Variants in SLC7A2 observed in about 807,000 individuals in gnomAD.
SLC7A2 encodes cationic amino acid transporter 2.
SLC7A2 carries 48 observed loss-of-function variants against 58.9 expected under a neutral mutation model. The ratio of observed to expected loss-of-function variants is 0.82; its 90% CI spans 0.65 to 1.04. The LOEUF is 1.04. Among genes scored for constraint, SLC7A2 ranks in the 50% least tolerant of loss-of-function variants. SLC7A2 has a pLI of 0.00. For synonymous variants in SLC7A2, 363 were observed against 314.5 expected, an observed-to-expected ratio of 1.15 and a Z score of -1.63; for missense variants, 1,029 against 818.8, an observed-to-expected ratio of 1.26 and a Z score of -3.13.
chr8:17,543,605 T>C lies in SLC7A2; in HGVS notation c.266T>C (p.Phe89Ser). 1 of 1,604,440 alleles carries C rather than the reference T, an allele frequency of 6.2e-7. No individual in the cohort carries two copies. The highest frequency in any genetic ancestry group is 8.5e-7 in the Non-Finnish European group (1 of 1,175,364). ...ATGGCTGGCCTCTGCTATGCCGAAT[T>C]TGGGGCCCGTGTTCCCAAGACGGGG... ...SVMAGLCYAE[F>S]GARVPKTGSA... Residue 89 changes from phenylalanine to serine, a missense_variant, in exon 3 of 13, where the codon TTT becomes TCT. Coordinates refer to ENST00000494857, the MANE Select transcript of SLC7A2 (RefSeq NM_001370338.1).
chr8:17,554,662 A>G lies in SLC7A2; in HGVS notation c.1158A>G (p.Thr386=), dbSNP rs750891754. ...CLAQINSKTK[T]PIIATLSSGA... ...CTCAAATCAATTCCAAAACGAAGAC[A>G]CCAATAATTGCTACTTTATCATCGG... Residue 386 remains threonine (T), a synonymous_variant, in exon 8 of 13, where the codon ACA becomes ACG. Coordinates refer to ENST00000494857, the MANE Select transcript of SLC7A2 (RefSeq NM_001370338.1). 1.2e-6 allele frequency: 2 copies of G among 1,613,312 alleles called. No individual in the cohort carries two copies. Among genetic ancestry groups the G allele is most frequent in the Middle Eastern group, 1.6e-4 (1 of 6,080 alleles).
chr8:17,560,474 C>G lies in SLC7A2; in HGVS notation c.1445C>G (p.Pro482Arg). 1.2e-6 allele frequency: 2 copies of G among 1,613,956 alleles called. No homozygotes were observed. Among genetic ancestry groups the G allele is most frequent in the South Asian group, 2.2e-5 (2 of 91,068 alleles). ...QGFSMRTLFC[P>R]SLLPTQQSAS... ...TTCAGCATGCGGACCCTCTTCTGCC[C>G]CTCCCTTCTGCCAACACAGCAGTCA... The change falls in exon 10 of 13, where the codon CCC becomes CGC. Residue 482 changes from proline (P) to arginine (R), a missense_variant. Transcript: ENST00000494857.
In SLC7A2 at chr8:17,504,037, T is replaced by C. The variant is rs1800272379; in HGVS notation, c.-23+1735T>C. Among the ~76,000 whole-genome samples the C allele has an allele frequency of 1.3e-5, 2 of 152,210 alleles. 1 individual carries two copies. The highest frequency in any genetic ancestry group is 1.3e-4 in the Admixed American group (2 of 15,280). On this transcript the variant is annotated intron_variant, in intron 2 of 12. Coordinates refer to ENST00000494857, the MANE Select transcript of SLC7A2 (RefSeq NM_001370338.1). ...CCTATGGCAAGAAAGTGAAGTCACA[T>C]TGGCTGTGATTCCCCAAGCAAAGTG...
intron 2 of SLC7A2, among the ~76,000 whole-genome samples, chr8:17,513,573 G>A (rs79138020): frequency 0.016 from 2,431 of 152,116 alleles, 40 homozygotes; most frequent in African/African-American, 0.047. Flanking sequence ...GATCTCCATT[G>A]CCTTTATCTT....
At chr8:17,536,130 A>G (rs988948390) in intron 2 of SLC7A2, among the ~76,000 whole-genome samples, 3 of 151,980 alleles carry the variant, frequency 2.0e-5, no homozygotes, top group Non-Finnish European at 4.4e-5. Flanking sequence ...AAAAAGTTTT[A>G]AATGTTTTTA....
In SLC7A2 at chr8:17,570,454, A is replaced by G. The variant is rs1273233941; in HGVS notation, c.*5308A>G. 1 of 152,616 alleles carries G rather than the reference A, an allele frequency of 6.6e-6. No homozygotes were observed. Among genetic ancestry groups the G allele is most frequent in the Non-Finnish European group, 1.5e-5 (1 of 68,038 alleles). 9.5% of individuals were successfully genotyped at this position (152,616 alleles called of 1,614,324 possible). A position where few individuals can be genotyped will look rare whatever the true frequency, so the allele number is the denominator to read the frequency against. On this transcript the variant is annotated 3_prime_UTR_variant, in exon 13 of 13. Coordinates refer to ENST00000494857, the MANE Select transcript of SLC7A2 (RefSeq NM_001370338.1). ...TGATCATCAGTGTTCCTTTTTACTT[A>G]TAAAGTTGGATTCTTTTTTAGAATT...
rs755322390 is a variant in SLC7A2 at position 17,550,319 on chromosome 8, C to T, written c.717C>T (p.Asn239=). ...TTCTTAGAGAGCCACCTTCTGAAAA[C>T]GGAACAAGTATCTATGGGGCTGGTG... The part of the protein sequence containing the change: ...SASAREPPSE[N]GTSIYGAGGF... The change falls in exon 6 of 13, where the codon AAC becomes AAT. Residue 239 remains asparagine, a synonymous_variant. Coordinates refer to ENST00000494857, the MANE Select transcript of SLC7A2 (RefSeq NM_001370338.1). 49 of 1,613,818 alleles carry T rather than the reference C, an allele frequency of 3.0e-5. No homozygotes were observed. The highest frequency in any genetic ancestry group is 1.3e-4 in the South Asian group (12 of 91,012).
intron 2 of SLC7A2, among the ~76,000 whole-genome samples, chr8:17,503,071 G>A (rs1016431811): frequency 2.6e-5 from 4 of 151,290 alleles, no homozygotes; most frequent in Admixed American, 2.0e-4. Flanking sequence ...TTTTTTTTGA[G>A]ACAGAGTCTC....
chr8:17,555,082 G>C (rs761155653), intron 8 of SLC7A2: 46 of 1,613,076 alleles, frequency 2.9e-5, no homozygotes, highest in Non-Finnish European at 3.8e-5. Context: ...GGTCATTTCT[G>C]GTAAGCTTTA....
intron 2 of SLC7A2, among the ~76,000 whole-genome samples, chr8:17,521,114 C>G (rs575354184): frequency 6.6e-6 from 1 of 152,094 alleles, no homozygotes; most frequent in East Asian, 1.9e-4. Context: ...ACATTTTCTT[C>G]TACTATTTTT....
chr8:17,507,729 A>C (rs1447961263), intron 2 of SLC7A2, among the ~76,000 whole-genome samples: 3 of 152,244 alleles, frequency 2.0e-5, no homozygotes, highest in Non-Finnish European at 4.4e-5. Context: ...CTGTTAATTT[A>C]ACAATAACAT....
rs200466963 is a variant in SLC7A2, at chr8:17,563,728, C to T, written c.1780+17C>T. The T allele has an allele frequency of 2.8e-5, 39 of 1,407,248 alleles. No homozygotes were observed. In the African/African-American group the frequency reaches 3.0e-4, roughly 11 times the overall value. 87.2% of individuals were successfully genotyped at this position (1,407,248 alleles called of 1,614,324 possible). A position where few individuals can be genotyped will look rare whatever the true frequency, so the allele number is the denominator to read the frequency against. On this transcript the variant is annotated intron_variant, in intron 12 of 12. Transcript: ENST00000494857. ...TGGCAATTGGTAGGTCTTTTAATGT[C>T]GGGTTCTCTTTCCTATTTCATGTGC... is the stretch of plus-strand genomic sequence containing the variant.
At position 17,543,601 on chromosome 8, in the gene SLC7A2, G is replaced by A. The variant is rs757833276; in HGVS notation, c.262G>A (p.Glu88Lys). 8.1e-6 allele frequency: 13 copies of A among 1,605,216 alleles called. No individual in the cohort carries two copies. Among genetic ancestry groups the A allele is most frequent in the Non-Finnish European group, 1.1e-5 (13 of 1,175,756 alleles). Residue 88 changes from glutamate (E) to lysine (K), a missense_variant, in exon 3 of 13, where the codon GAA (glutamate) becomes AAA (lysine). Physicochemically the swap from Glu to Lys is moderately conservative, Grantham distance 56. Coordinates refer to ENST00000494857, the MANE Select transcript of SLC7A2 (RefSeq NM_001370338.1). ...ASVMAGLCYA[E>K]FGARVPKTGS... ...AGTGATGGCTGGCCTCTGCTATGCC[G>A]AATTTGGGGCCCGTGTTCCCAAGAC...
At chr8:17,526,981 C>A (rs951751217) in intron 2 of SLC7A2, among the ~76,000 whole-genome samples, 1 of 152,008 alleles carries the variant, frequency 6.6e-6, no homozygotes, top group African/African-American at 2.4e-5. Context: ...GAGTGTTGAT[C>A]AATGGGTCAG....
At chr8:17,553,077 CAG>C (rs1802526835) in intron 7 of SLC7A2, among the ~76,000 whole-genome samples, 2 of 152,084 alleles carry the variant, frequency 1.3e-5, no homozygotes, top group African/African-American at 4.8e-5. Context: ...TTATTTGAGA[CAG>C]GGTCTTGCTC....
At chr8:17,509,287 A>T (rs1379614587) in intron 2 of SLC7A2, among the ~76,000 whole-genome samples, 1 of 152,104 alleles carries the variant, frequency 6.6e-6, no homozygotes, top group Non-Finnish European at 1.5e-5. Context: ...CATTTTATTG[A>T]ACTAAGTATA....
At chr8:17,551,740 C>A in intron 6 of SLC7A2, 24 bp from the exon 7 acceptor site, 1 of 1,524,092 alleles carries the variant, frequency 6.6e-7, no homozygotes, top group Non-Finnish European at 9.1e-7. Context: ...TAAGCATACA[C>A]ATCTTTTGTT....
chr8:17,547,460 A>G (rs752079501), intron 4 of SLC7A2, among the ~76,000 whole-genome samples: 1 of 152,214 alleles, frequency 6.6e-6, no homozygotes, highest in Non-Finnish European at 1.5e-5. Flanking sequence ...CAAATCATAT[A>G]ATCAATATGA....
At chr8:17,495,167 C>G (rs1413928921), upstream of SLC7A2, among the ~76,000 whole-genome samples, 1 of 152,114 alleles carries the variant, frequency 6.6e-6, no homozygotes, top group Non-Finnish European at 1.5e-5. Flanking sequence ...TCAATGTTGA[C>G]CAGGTTGGCC....
Sources: gnomAD v4.1 joint callset for allele counts (sites outside exome capture counted in the v4.1 genomes callset) on GRCh38, gnomAD v4.1.1 for gene constraint, MANE v1.5 for transcripts, NCBI Gene and HGNC (gene_info 2026-07-23, HGNC 2026-07-21) for gene names.